Variants in ACER3 observed in about 807,000 individuals in gnomAD.
ACER3 encodes the protein alkCDase 3.
In ACER3, 16 loss-of-function variants were observed where a neutral mutation model predicts 48.9. The observed-to-expected ratio is 0.33, with a 90% CI of 0.22 to 0.50. The LOEUF (loss-of-function observed/expected upper bound fraction) is 0.50, where lower values mean the gene tolerates loss of function less well. Among genes scored for constraint, ACER3 ranks in the 20% least tolerant of loss-of-function variants. The probability of loss-of-function intolerance (pLI) is 0.98; values close to 1 mark genes in which losing one functional copy is unlikely to be tolerated. For missense variants in ACER3, 227 were observed against 326.0 expected (o/e 0.70, Z 2.34); for synonymous variants, 109 against 107.8 (o/e 1.01, Z -0.07).
intron 7 of ACER3, among the ~76,000 whole-genome samples, chr11:77,011,116 T>C (rs540325021): frequency 7.3e-4 from 111 of 152,194 alleles, no homozygotes; most frequent in Non-Finnish European, 1.2e-3. Flanking sequence ...GACAGCTGTA[T>C]GCTAGACAGG....
At chr11:76,966,523 A>G (rs2135094359) in intron 3 of ACER3, among the ~76,000 whole-genome samples, 1 of 151,106 alleles carries the variant, frequency 6.6e-6, no homozygotes, top group South Asian at 2.1e-4. Flanking sequence ...TCAGCACCAC[A>G]CCACCCCTAT....
At chr11:76,963,330 A>C (rs1287588651) in intron 3 of ACER3, among the ~76,000 whole-genome samples, 3 of 139,744 alleles carry the variant, frequency 2.1e-5, no homozygotes, top group Non-Finnish European at 4.8e-5. Context: ...TAAGTTTCTC[A>C]AACACTTACA....
Position 76,895,870 on chromosome 11 carries a change from A to G in ACER3, c.104-30687A>G, listed in dbSNP as rs531939615. Among the ~76,000 whole-genome samples, 138 of 152,360 alleles carry G rather than the reference A, an allele frequency of 9.1e-4. 1 individual carries two copies. The highest frequency in any genetic ancestry group is 3.2e-3 in the African/African-American group (135 of 41,592). On this transcript the variant is annotated intron_variant, in intron 1 of 10. Transcript: ENST00000532485. Reference sequence around the variant, plus strand: ...TAATAGACAATTTTGTAAATGAAATATGATGTGGCCTTATAATAGAATACT... The same window carrying G: ...TAATAGACAATTTTGTAAATGAAATGTGATGTGGCCTTATAATAGAATACT...
intron 1 of ACER3, among the ~76,000 whole-genome samples, chr11:76,923,649 T>A (rs1488623472): frequency 6.6e-6 from 1 of 152,228 alleles, no homozygotes; most frequent in East Asian, 1.9e-4. Flanking sequence ...TGGAAACAGT[T>A]TGATCCTTTT....
intron 2 of ACER3, among the ~76,000 whole-genome samples, chr11:76,956,165 A>T (rs971318496): frequency 1.3e-5 from 2 of 152,178 alleles, no homozygotes; most frequent in Non-Finnish European, 2.9e-5. Context: ...AAAACAATTG[A>T]ATTGTATACT....
At chr11:77,011,466 A>G (rs1555022146) in intron 7 of ACER3, 3 of 790,620 alleles carry the variant, frequency 3.8e-6, no homozygotes, top group Non-Finnish European at 4.6e-6. Flanking sequence ...ACACTGCCAG[A>G]AGCCTTCACT....
Position 76,952,866 on chromosome 11 carries a change from A to C in ACER3, c.215-6113A>C, listed in dbSNP as rs1353510926. ...TTTTTAGTAAAGAGAGGGTTTCACC[A>C]TGTTGGCCAGGCTGGTCTCAAACTC... On this transcript the variant is annotated intron_variant, in intron 2 of 10. Transcript: ENST00000532485. Among the ~76,000 whole-genome samples, 3 of 151,718 alleles carry C rather than the reference A, an allele frequency of 2.0e-5. No individual in the cohort carries two copies. The East Asian group carries it at 5.9e-4, about 30-fold the overall frequency.
intron 2 of ACER3, among the ~76,000 whole-genome samples, chr11:76,952,185 A>G (rs1304728327): frequency 6.6e-6 from 1 of 151,878 alleles, no homozygotes; most frequent in Non-Finnish European, 1.5e-5. Context: ...TATGAAAATT[A>G]GCCAGATGAT....
intron 1 of ACER3, among the ~76,000 whole-genome samples, chr11:76,896,823 A>T (rs1198330135): frequency 6.6e-6 from 1 of 152,220 alleles, no homozygotes; most frequent in Admixed American, 6.5e-5. Flanking sequence ...CTGGATTTTC[A>T]TATATGCTTT....
intron 8 of ACER3, among the ~76,000 whole-genome samples, chr11:77,015,975 C>T (rs529279697): frequency 2.6e-5 from 4 of 152,060 alleles, no homozygotes; most frequent in South Asian, 2.1e-4. Context: ...GGCCTGGTGA[C>T]GTGTGCCTGT....
At chr11:76,915,446 G>T (rs1590926216) in intron 1 of ACER3, among the ~76,000 whole-genome samples, 1 of 151,794 alleles carries the variant, frequency 6.6e-6, no homozygotes, top group African/African-American at 2.4e-5. Context: ...CCACCCCCCC[G>T]AGATCGTACT....
intron 2 of ACER3, among the ~76,000 whole-genome samples, chr11:76,948,211 CTGTGTGTGTGTGTGTGTGTGTGTG>C (rs57302394): frequency 8.0e-4 from 109 of 135,766 alleles, no homozygotes; most frequent in African/African-American, 2.5e-3. Flanking sequence ...CTGGCTCACT[CTGTGTGTGTGTGTGTGTGTGTGTG>C]TGTGTGTGTG....
chr11:77,004,081 G>C (rs1555020402), intron 7 of ACER3, among the ~76,000 whole-genome samples: 1 of 152,166 alleles, frequency 6.6e-6, no homozygotes, highest in African/African-American at 2.4e-5. Context: ...GATCCTGTTG[G>C]TTGGTGGTTG....
At chr11:76,969,555 A>T (rs996358082) in intron 3 of ACER3, among the ~76,000 whole-genome samples, 3 of 151,852 alleles carry the variant, frequency 2.0e-5, no homozygotes, top group Non-Finnish European at 4.4e-5. Context: ...TAAATGTCCA[A>T]CAGTGATAGA....
chr11:76,865,991 G>T (rs1323660587), intron 1 of ACER3, among the ~76,000 whole-genome samples: 70 of 128,266 alleles, frequency 5.5e-4, no homozygotes, highest in African/African-American at 1.2e-3. Flanking sequence ...TTTGTTTTTT[G>T]TTTTTTTTTT....
At chr11:76,916,465 G>C (rs1471014654) in intron 1 of ACER3, among the ~76,000 whole-genome samples, 1 of 152,128 alleles carries the variant, frequency 6.6e-6, no homozygotes, top group Non-Finnish European at 1.5e-5. Context: ...CAGTTGATCA[G>C]ATTTAGTGAA....
intron 1 of ACER3, among the ~76,000 whole-genome samples, chr11:76,901,274 A>AC: frequency 6.6e-6 from 1 of 151,866 alleles, no homozygotes; most frequent in East Asian, 1.9e-4. Flanking sequence ...AACATTTAAA[A>AC]AAAAAAAAAA....
chr11:76,888,239 A>G (rs370764165), intron 1 of ACER3, among the ~76,000 whole-genome samples: 2 of 152,224 alleles, frequency 1.3e-5, no homozygotes, highest in East Asian at 3.8e-4. Flanking sequence ...CAATAAATAA[A>G]TGATTTGTTT....
chr11:76,991,147 T>C (rs1948792904), intron 6 of ACER3, among the ~76,000 whole-genome samples: 1 of 152,196 alleles, frequency 6.6e-6, no homozygotes, highest in Non-Finnish European at 1.5e-5. Flanking sequence ...GTCCTACTAA[T>C]TGGGAATTAT....
Sources: allele counts gnomAD v4.1 joint callset (sites outside exome capture counted in the v4.1 genomes callset), GRCh38; gene constraint gnomAD v4.1.1; transcripts MANE v1.5; gene names NCBI Gene and HGNC (gene_info 2026-07-23, HGNC 2026-07-21).